PPM1A: variants seen among roughly 807,000 people sequenced by gnomAD.
The protein encoded by PPM1A is protein phosphatase 1A.
A neutral mutation model predicts 35.0 loss-of-function variants in PPM1A; 7 were observed. The ratio of observed to expected loss-of-function variants is 0.20; its 90% CI spans 0.11 to 0.38. The LOEUF is 0.38. PPM1A is among the 10% of genes least tolerant of loss of function. The probability of loss-of-function intolerance (pLI) is 1.00; values close to 1 mark genes in which losing one functional copy is unlikely to be tolerated. For synonymous variants in PPM1A, 153 were observed against 167.3 expected (o/e 0.91, Z 0.66); for missense variants, 239 against 467.8 (o/e 0.51, Z 4.51).
At chr14:60,290,164 A>G (rs1887482009) in intron 4 of PPM1A, among the ~76,000 whole-genome samples, 1 of 152,184 alleles carries the variant, frequency 6.6e-6, no homozygotes, top group Admixed American at 6.6e-5. Context: ...TTCCTCATAG[A>G]GCATAAACGA....
chr14:60,294,903 A>G lies in PPM1A; in HGVS notation c.*2421A>G, dbSNP rs1235584241. 1 of 151,776 alleles carries G rather than the reference A, an allele frequency of 6.6e-6. No individual in the cohort carries two copies. The highest frequency in any genetic ancestry group is 2.4e-5 in the African/African-American group (1 of 41,400). The allele number at this position is 151,776 out of a possible 1,614,324, so 9.4% of individuals were successfully genotyped here. On this transcript the variant is annotated 3_prime_UTR_variant, in exon 6 of 6. Transcript: ENST00000395076. ...CTATAAAAATACAGGAAGGAAGTAT[A>G]CATTATAACAGCAGACTGTGTGTGT...
chr14:60,262,646 A>G (rs902731725), intron 1 of PPM1A, among the ~76,000 whole-genome samples: 5 of 152,226 alleles, frequency 3.3e-5, no homozygotes, highest in African/African-American at 1.2e-4. Flanking sequence ...TGATCGTGCC[A>G]TTGCACTATA....
Position 60,262,773 on chromosome 14 carries a change from A to G in PPM1A, c.-21+13096A>G, listed in dbSNP as rs369707290. On this transcript the variant is annotated intron_variant, in intron 1 of 5. Coordinates refer to ENST00000395076, the MANE Select transcript of PPM1A (RefSeq NM_021003.5). ...TGATTTAAATATAAATCATGAATATAGAAAATATGAGAACAGAAGAGTATT... is the reference window on the plus strand; with the variant it reads ...TGATTTAAATATAAATCATGAATATGGAAAATATGAGAACAGAAGAGTATT... Among the ~76,000 whole-genome samples, 3 of 152,270 alleles carry G rather than the reference A, an allele frequency of 2.0e-5. No individual in the cohort carries two copies. The East Asian group carries it at 5.8e-4, about 29-fold the overall frequency.
chr14:60,246,691 G>A (rs1881805562), upstream of PPM1A, among the ~76,000 whole-genome samples: 1 of 146,542 alleles, frequency 6.8e-6, no homozygotes, highest in South Asian at 2.2e-4. Flanking sequence ...AAGGGGATAT[G>A]ATGATATTAA....
intron 1 of PPM1A, among the ~76,000 whole-genome samples, chr14:60,260,484 A>G (rs1280241416): frequency 2.0e-5 from 3 of 152,158 alleles, no homozygotes; most frequent in African/African-American, 7.2e-5. Context: ...TTTATATAAA[A>G]TACTGATACA....
intron 1 of PPM1A, among the ~76,000 whole-genome samples, chr14:60,279,221 C>G (rs1341131188): frequency 6.6e-6 from 1 of 152,208 alleles, no homozygotes; most frequent in Non-Finnish European, 1.5e-5. Context: ...CAGGTTCAAA[C>G]AATTCTCCTG....
chr14:60,266,276 A>G (rs535847492), intron 1 of PPM1A, among the ~76,000 whole-genome samples: 9 of 152,140 alleles, frequency 5.9e-5, no homozygotes, highest in African/African-American at 2.2e-4. Context: ...TGTATATTGT[A>G]GTAATGTTAA....
chr14:60,258,107 A>T (rs1883347787), intron 1 of PPM1A, among the ~76,000 whole-genome samples: 1 of 151,762 alleles, frequency 6.6e-6, no homozygotes, highest in South Asian at 2.1e-4. Context: ...ATGCTTCTTG[A>T]TACAGTAAGC....
Position 60,292,690 on chromosome 14 carries a change from G to A in PPM1A, c.*208G>A, listed in dbSNP as rs988518129. The A allele has an allele frequency of 1.8e-5, 7 of 396,416 alleles. No homozygotes were observed. Among genetic ancestry groups the A allele is most frequent in the Admixed American group, 4.4e-5 (1 of 22,980 alleles). The allele number at this position is 396,416 out of a possible 1,614,324, so 24.6% of individuals were successfully genotyped here. On this transcript the variant is annotated 3_prime_UTR_variant, in exon 6 of 6. Coordinates refer to ENST00000395076, the MANE Select transcript of PPM1A (RefSeq NM_021003.5). The surrounding 1 kb of genome is among the most constrained non-coding windows in gnomAD (Gnocchi z 4.2). Reference sequence around the variant, plus strand: ...TTGTAAATTTGAGACTTATGTAAGCGTGATTTCAAACCATAATTCGTGTTG... The same window carrying A: ...TTGTAAATTTGAGACTTATGTAAGCATGATTTCAAACCATAATTCGTGTTG...
upstream of PPM1A, among the ~76,000 whole-genome samples, chr14:60,249,037 T>C (rs1881988476): frequency 6.6e-6 from 1 of 151,878 alleles, no homozygotes; most frequent in Admixed American, 6.5e-5. This position sits in a 1 kb window ranked among gnomAD's most constrained non-coding sequence, Gnocchi z 4.5. Context: ...GGCAGTGACG[T>C]CATCTGTGGC....
At chr14:60,260,978 C>CCATT (rs1319784370) in intron 1 of PPM1A, among the ~76,000 whole-genome samples, 3 of 152,128 alleles carry the variant, frequency 2.0e-5, no homozygotes, top group Admixed American at 2.0e-4. Context: ...AGAATGTGTA[C>CCATT]CATTAGCCCT....
intron 1 of PPM1A, among the ~76,000 whole-genome samples, chr14:60,276,251 C>T (rs1885745566): frequency 6.6e-6 from 1 of 152,110 alleles, no homozygotes; most frequent in Admixed American, 6.6e-5. Context: ...TTGAATATTG[C>T]CATATTATCC....
rs762437388 is a variant in PPM1A at position 60,292,710 on chromosome 14, G to A, written c.*228G>A. 9.8e-5 allele frequency: 37 copies of A among 377,550 alleles called. No homozygotes were observed. The highest frequency in any genetic ancestry group is 1.8e-4 in the Admixed American group (4 of 21,996). 23.4% of individuals were successfully genotyped at this position (377,550 alleles called of 1,614,324 possible). ...TAAGCGTGATTTCAAACCATAATTC[G>A]TGTTGTAAATCAGACTCCAGCAATT... On this transcript the variant is annotated 3_prime_UTR_variant, in exon 6 of 6. Transcript: ENST00000395076. This position sits in a 1 kb window ranked among gnomAD's most constrained non-coding sequence, Gnocchi z 4.2.
chr14:60,284,695 A>ATGTG lies in PPM1A; in HGVS notation c.835-928_835-927insGTGT, dbSNP rs1226129953. Among the ~76,000 whole-genome samples the ATGTG allele has an allele frequency of 8.3e-3, 1,019 of 123,138 alleles. 9 individuals carry two copies. Among genetic ancestry groups the ATGTG allele is most frequent in the African/African-American group, 0.042 (980 of 23,368 alleles). 80.8% of individuals were successfully genotyped at this position (123,138 alleles called of 152,430 possible). A position where few individuals can be genotyped will look rare whatever the true frequency, so the allele number is the denominator to read the frequency against. ...TTAATGAGCGTATGTATATATATAT[A>ATGTG]TATGTGTGTGTGTATATATATATAT... On this transcript the variant is annotated intron_variant, in intron 2 of 5. Coordinates refer to ENST00000395076, the MANE Select transcript of PPM1A (RefSeq NM_021003.5).
upstream of PPM1A, chr14:60,245,971 G>A: frequency 6.3e-7 from 1 of 1,578,354 alleles, no homozygotes; most frequent in Admixed American, 1.9e-5. The surrounding 1 kb of genome is among the most constrained non-coding windows in gnomAD (Gnocchi z 4.2). Flanking sequence ...GAAGAAAAAG[G>A]GAGGAGAGAG....
At chr14:60,275,714 C>T (rs1400181709) in intron 1 of PPM1A, among the ~76,000 whole-genome samples, 1 of 152,114 alleles carries the variant, frequency 6.6e-6, no homozygotes, top group Non-Finnish European at 1.5e-5. Context: ...TCAAGTGGTC[C>T]TCCCACCTCA....
chr14:60,245,994 G>T, upstream of PPM1A: 1 of 1,579,496 alleles, frequency 6.3e-7, no homozygotes, highest in South Asian at 1.2e-5. The surrounding 1 kb of genome is among the most constrained non-coding windows in gnomAD (Gnocchi z 4.2). Flanking sequence ...GGAGAAATGA[G>T]AAAAGAGGAA....
chr14:60,249,022 G>C (rs1030729291), upstream of PPM1A, among the ~76,000 whole-genome samples: 2 of 152,102 alleles, frequency 1.3e-5, no homozygotes, highest in Non-Finnish European at 2.9e-5. The surrounding 1 kb of genome is among the most constrained non-coding windows in gnomAD (Gnocchi z 4.5). Context: ...AAAGAAGCTG[G>C]GTAAGGCAGT....
intron 1 of PPM1A, among the ~76,000 whole-genome samples, chr14:60,276,544 A>G (rs1052656518): frequency 1.3e-5 from 2 of 152,188 alleles, no homozygotes; most frequent in African/African-American, 4.8e-5. Context: ...GGTATTTGCT[A>G]AGAGAATATA....
Sources: allele counts gnomAD v4.1 joint callset (sites outside exome capture counted in the v4.1 genomes callset), GRCh38; gene constraint gnomAD v4.1.1; non-coding constraint Gnocchi (gnomAD v3.1); transcripts MANE v1.5; gene names NCBI Gene and HGNC (gene_info 2026-07-23, HGNC 2026-07-21).